The following SLC35H1 variants were observed in gnomAD, a reference collection of about 807,000 sequenced individuals.
SLC35H1 encodes ovarian cancer-overexpressed gene 1 protein.
the SLC35H1 span, chr20:46,356,575 G>T: frequency 6.2e-7 from 1 of 1,614,136 alleles, no homozygotes; most frequent in Non-Finnish European, 8.5e-7. Flanking sequence ...AGTACTCACA[G>T]CGAGACGGTG....
At chr20:46,357,791 C>T in the SLC35H1 span, 2 of 1,613,454 alleles carry the variant, frequency 1.2e-6, no homozygotes, top group East Asian at 2.2e-5. Flanking sequence ...GAGCCCAAAG[C>T]AGACACCCCG....
the SLC35H1 span, chr20:46,358,819 G>T: frequency 8.9e-7 from 1 of 1,118,808 alleles, no homozygotes; most frequent in Non-Finnish European, 1.3e-6. Flanking sequence ...GCTTCTCGTA[G>T]CCATGGGTGC....
chr20:46,357,790 G>T, the SLC35H1 span: 3 of 1,613,756 alleles, frequency 1.9e-6, no homozygotes, highest in Non-Finnish European at 2.5e-6. Context: ...GGAGCCCAAA[G>T]CAGACACCCC....
chr20:46,354,894 CAA>C, the SLC35H1 span: 38 of 1,606,760 alleles, frequency 2.4e-5, no homozygotes, highest in East Asian at 1.6e-4. Context: ...TCAAATACAG[CAA>C]AGAGAGGGAA....
At chr20:46,364,141 G>A in the SLC35H1 span, 1 of 152,312 alleles carries the variant, frequency 6.6e-6, no homozygotes, top group Non-Finnish European at 1.5e-5. Context: ...CGTCGCAGGT[G>A]CTCAGGAAAT....
chr20:46,354,845 G>A, the SLC35H1 span: 7 of 1,533,244 alleles, frequency 4.6e-6, no homozygotes, highest in Non-Finnish European at 2.7e-6. Context: ...GTGGTCTGCT[G>A]CACTGAGGTG....
the SLC35H1 span, among the ~76,000 whole-genome samples, chr20:46,356,085 C>T: frequency 6.6e-6 from 1 of 152,168 alleles, no homozygotes; most frequent in Non-Finnish European, 1.5e-5. Flanking sequence ...TGACGTTGAG[C>T]TCCCTGAGTC....
chr20:46,348,982 G>A, the SLC35H1 span: 3 of 152,144 alleles, frequency 2.0e-5, no homozygotes, highest in African/African-American at 7.2e-5. Flanking sequence ...AGTTCTCCTG[G>A]GCTTAACCGA....
the SLC35H1 span, chr20:46,352,030 G>A: frequency 1.2e-6 from 2 of 1,612,348 alleles, no homozygotes; most frequent in Admixed American, 3.3e-5. Flanking sequence ...GACAGGACTG[G>A]CATCACGCCC....
the SLC35H1 span, among the ~76,000 whole-genome samples, chr20:46,360,336 A>C: frequency 1.3e-5 from 2 of 152,122 alleles, no homozygotes; most frequent in Admixed American, 6.5e-5. Context: ...CATCTACAGC[A>C]ATGGCACTAG....
At chr20:46,358,633 A>T in the SLC35H1 span, 1 of 1,558,212 alleles carries the variant, frequency 6.4e-7, no homozygotes, top group Non-Finnish European at 8.7e-7. Context: ...AGGCTGGAGG[A>T]GCTCTCTGCA....
At chr20:46,346,178 G>A in the SLC35H1 span, 1 of 151,626 alleles carries the variant, frequency 6.6e-6, no homozygotes, top group African/African-American at 2.4e-5. Context: ...GGCCCCACCA[G>A]CAGGATGGTG....
the SLC35H1 span, chr20:46,356,709 G>A: frequency 4.3e-4 from 631 of 1,461,752 alleles, 5 homozygotes; most frequent in South Asian, 7.3e-3. Flanking sequence ...GGTACCCTGA[G>A]GCACCTGAGT....
At chr20:46,350,911 G>C in the SLC35H1 span, 2 of 1,613,028 alleles carry the variant, frequency 1.2e-6, no homozygotes, top group Non-Finnish European at 1.7e-6. Context: ...AGAAGCAGGA[G>C]GGAGCATGAT....
At chr20:46,358,843 G>A in the SLC35H1 span, 72 of 916,100 alleles carry the variant, frequency 7.9e-5, no homozygotes, top group Admixed American at 5.6e-4. Flanking sequence ...TGAAGGCTGC[G>A]TGACTCAGGG....
At chr20:46,354,989 A>T in the SLC35H1 span, 1 of 1,613,822 alleles carries the variant, frequency 6.2e-7, no homozygotes, top group Non-Finnish European at 8.5e-7. Context: ...GACAGGCACC[A>T]TCAGGTCTGG....
the SLC35H1 span, among the ~76,000 whole-genome samples, chr20:46,359,457 G>C: frequency 6.6e-6 from 1 of 152,210 alleles, no homozygotes; most frequent in East Asian, 1.9e-4. Context: ...TCTCCGTCTG[G>C]TTTGATGACT....
chr20:46,353,219 G>GTATT, the SLC35H1 span: 1 of 152,186 alleles, frequency 6.6e-6, no homozygotes, highest in African/African-American at 2.4e-5. Context: ...GACCAGACTG[G>GTATT]TATTTCTCCA....
chr20:46,356,438 G>T, the SLC35H1 span: 1 of 825,988 alleles, frequency 1.2e-6, no homozygotes. Context: ...CTGGGTGCCA[G>T]GGAGAGGCTG....
Sources: allele counts gnomAD v4.1 joint callset (sites outside exome capture counted in the v4.1 genomes callset), GRCh38; gene constraint gnomAD v4.1.1; transcripts MANE v1.5; gene names NCBI Gene and HGNC (gene_info 2026-07-23, HGNC 2026-07-21).